DCAF6: variants seen among roughly 807,000 people sequenced by gnomAD.
DCAF6 encodes the protein DDB1 and CUL4 associated factor 6, also known as DDB1- and CUL4-associated factor 6.
Under a neutral mutation model 125.1 loss-of-function variants are expected in DCAF6, and 54 were observed. The observed-to-expected ratio is 0.43, with a 90% CI of 0.35 to 0.54. The LOEUF (loss-of-function observed/expected upper bound fraction) is 0.54, where lower values mean the gene tolerates loss of function less well. Ranked by LOEUF, DCAF6 falls within the 20% of genes least tolerant of loss-of-function variation. The pLI is 0.01. For synonymous variants in DCAF6, 371 were observed against 390.4 expected, an observed-to-expected ratio of 0.95 and a Z score of 0.58; for missense variants, 934 against 1,161.7, an observed-to-expected ratio of 0.80 and a Z score of 2.85.
chr1:167,880,209 A>G, the DCAF6 span: 11 of 1,602,032 alleles, frequency 6.9e-6, no homozygotes, highest in Non-Finnish European at 8.5e-6. Context: ...AGGGGAGACA[A>G]GATTTGTGGG....
the DCAF6 span, among the ~76,000 whole-genome samples, chr1:167,876,245 A>C: frequency 6.6e-6 from 1 of 150,386 alleles, no homozygotes; most frequent in Admixed American, 6.7e-5. Flanking sequence ...CAACAAAAGC[A>C]AAGCTCCATC....
At chr1:167,928,071 G>A in the DCAF6 span, among the ~76,000 whole-genome samples, 107 of 152,188 alleles carry the variant, frequency 7.0e-4, no homozygotes, top group African/African-American at 2.4e-3. Flanking sequence ...AAGGTCGGCC[G>A]GGCGCGGTGG....
the DCAF6 span, among the ~76,000 whole-genome samples, chr1:167,879,940 A>C: frequency 6.6e-6 from 1 of 152,206 alleles, no homozygotes; most frequent in African/African-American, 2.4e-5. Flanking sequence ...ATAGCCCCAG[A>C]AATGCACACT....
the DCAF6 span, among the ~76,000 whole-genome samples, chr1:167,925,441 A>ATGTG: frequency 1.9e-5 from 1 of 53,526 alleles, no homozygotes; most frequent in African/African-American, 9.3e-5. Context: ...ATACATATAC[A>ATGTG]CATATATATA....
At chr1:167,939,011 T>C (rs1160271061) in intron 1 of DCAF6, among the ~76,000 whole-genome samples, 1 of 152,232 alleles carries the variant, frequency 6.6e-6, no homozygotes, top group Non-Finnish European at 1.5e-5. Flanking sequence ...ATATATACTC[T>C]TAAAATAGGA....
the DCAF6 span, among the ~76,000 whole-genome samples, chr1:167,899,164 CA>C: frequency 6.6e-6 from 1 of 152,188 alleles, no homozygotes; most frequent in Admixed American, 6.5e-5. Context: ...GCTAGCCCCT[CA>C]AAAGGCCTCA....
At chr1:168,004,434 G>A in intron 9 of DCAF6, 99 bp from the exon 10 acceptor site, 1 of 1,229,660 alleles carries the variant, frequency 8.1e-7, no homozygotes, top group Non-Finnish European at 1.2e-6. Flanking sequence ...ATATATTTGT[G>A]TGTGTAAATA....
the DCAF6 span, among the ~76,000 whole-genome samples, chr1:167,914,770 TA>T: frequency 0.016 from 2,442 of 152,336 alleles, 56 homozygotes; most frequent in African/African-American, 0.051. Flanking sequence ...AATTATCATT[TA>T]GGGGCACAGC....
chr1:168,009,346 C>A, intron 10 of DCAF6, among the ~76,000 whole-genome samples: 1 of 22,646 alleles, frequency 4.4e-5, no homozygotes, highest in Admixed American at 3.7e-4. Context: ...TTCCTTCCTC[C>A]CTTCCTTCCT....
the DCAF6 span, among the ~76,000 whole-genome samples, chr1:167,925,461 A>ATC: frequency 8.7e-6 from 1 of 114,286 alleles, no homozygotes; most frequent in African/African-American, 4.0e-5. Context: ...ATATATATAT[A>ATC]TATATATATA....
At chr1:167,945,957 T>G (rs1424012826) in intron 1 of DCAF6, among the ~76,000 whole-genome samples, 1 of 135,142 alleles carries the variant, frequency 7.4e-6, no homozygotes, top group East Asian at 2.0e-4. Context: ...ATCTAAGGGT[T>G]TTTTTTTTTT....
rs368901629 is a variant in DCAF6 at position 168,045,898 on chromosome 1, A to G, written c.2258+671A>G. ...CTCATGGAAAACTATTTCTATTATT[A>G]GTGCTATCATATCTTATTGTAAGTT... On this transcript the variant is annotated intron_variant, in intron 16 of 21. Transcript: ENST00000367840. Among the ~76,000 whole-genome samples the G allele has an allele frequency of 1.4e-4, 22 of 152,232 alleles. No individual in the cohort carries two copies. The East Asian group carries it at 4.0e-3, about 28-fold the overall frequency.
chr1:168,019,347 C>CAATATTGTACTATCTTAATTGTAGTATGT (rs1685389640), intron 11 of DCAF6, among the ~76,000 whole-genome samples: 1 of 152,136 alleles, frequency 6.6e-6, no homozygotes, highest in African/African-American at 2.4e-5. Context: ...CATGCCCAGC[C>CAATATTGTACTATCTTAATTGTAGTATGT]AATAATGTAC....
intron 1 of DCAF6, among the ~76,000 whole-genome samples, chr1:167,945,904 T>C (rs1458667323): frequency 6.6e-6 from 1 of 152,044 alleles, no homozygotes; most frequent in Non-Finnish European, 1.5e-5. Flanking sequence ...AATTTTTGTA[T>C]GTTGATTTTG....
At chr1:168,027,259 G>A (rs1432963019) in intron 12 of DCAF6, among the ~76,000 whole-genome samples, 1 of 152,076 alleles carries the variant, frequency 6.6e-6, no homozygotes, top group Non-Finnish European at 1.5e-5. Context: ...ATTAAGAATT[G>A]AAAGAGCAAA....
chr1:168,070,745 T>C (rs892528410), intron 21 of DCAF6, among the ~76,000 whole-genome samples: 4 of 152,202 alleles, frequency 2.6e-5, no homozygotes, highest in African/African-American at 9.6e-5. Context: ...CTGACATCCC[T>C]AGAAGCTTTG....
At chr1:168,042,605 A>G (rs540016872) in intron 13 of DCAF6, 3 of 154,768 alleles carry the variant, frequency 1.9e-5, no homozygotes, top group East Asian at 3.8e-4. Context: ...TTTTGTTCAA[A>G]TACTAATTTT....
intron 6 of DCAF6, among the ~76,000 whole-genome samples, chr1:167,992,875 T>C (rs566706580): frequency 6.2e-4 from 95 of 152,360 alleles, no homozygotes; most frequent in African/African-American, 2.2e-3. Flanking sequence ...AGTATTAGCT[T>C]TTTGTAAAAA....
Position 168,003,319 on chromosome 1 carries a change from T to G in DCAF6, c.998-551T>G, listed in dbSNP as rs370148100. On this transcript the variant is annotated intron_variant, in intron 8 of 21. Transcript: ENST00000367840. ...ATACCCTTGGAAAAACTTGTTTACT[T>G]GCAGGAGGAAAAGGAGTGAGGGAAG... 7.8e-4 allele frequency among the ~76,000 whole-genome samples: 119 copies of G among 152,276 alleles called. 1 individual carries two copies. In the South Asian group the frequency reaches 0.023, roughly 29 times the overall value.
Sources: allele counts gnomAD v4.1 joint callset (sites outside exome capture counted in the v4.1 genomes callset), GRCh38; gene constraint gnomAD v4.1.1; transcripts MANE v1.5; gene names NCBI Gene and HGNC (gene_info 2026-07-23, HGNC 2026-07-21).